Variants in GPNMB observed in about 807,000 individuals in gnomAD.
GPNMB encodes the protein transmembrane glycoprotein NMB.
A neutral mutation model predicts 57.3 loss-of-function variants in GPNMB; 71 were observed. That is an observed-to-expected ratio of 1.24 (90% confidence interval 1.02 to 1.51). The LOEUF (loss-of-function observed/expected upper bound fraction) is 1.51. Among genes scored for constraint, GPNMB ranks in the 40% most tolerant of loss-of-function variants. GPNMB has a pLI of 0.00. For synonymous variants in GPNMB, 253 were observed against 263.2 expected, an observed-to-expected ratio of 0.96 and a Z score of 0.38; for missense variants, 677 against 691.9, an observed-to-expected ratio of 0.98 and a Z score of 0.24.
intron 6 of GPNMB, among the ~76,000 whole-genome samples, chr7:23,265,207 G>C (rs977884018): frequency 3.9e-5 from 6 of 152,170 alleles, no homozygotes; most frequent in African/African-American, 9.7e-5. Context: ...TTGGGCACAG[G>C]AAAATCACAG....
At chr7:23,273,718 T>C in intron 10 of GPNMB, 104 bp downstream of exon 10, 1 of 759,116 alleles carries the variant, frequency 1.3e-6, no homozygotes, top group African/African-American at 1.7e-5. Context: ...TTTAAACATT[T>C]TGTGTAGGGG....
intron 6 of GPNMB, among the ~76,000 whole-genome samples, chr7:23,264,699 T>G (rs1312710091): frequency 6.6e-6 from 1 of 152,178 alleles, no homozygotes; most frequent in Non-Finnish European, 1.5e-5. Context: ...TTAAAAGCAT[T>G]CTATCTAAGG....
chr7:23,261,171 C>G (rs1170525109), intron 6 of GPNMB, among the ~76,000 whole-genome samples: 1 of 152,118 alleles, frequency 6.6e-6, no homozygotes, highest in Admixed American at 6.5e-5. Flanking sequence ...TCCTCTCCCC[C>G]ACTAATTTCT....
rs1296526436 is a variant in GPNMB, at chr7:23,266,879, G to A, written c.1117+264G>A. ...TGAGCCTGCCCTGGGCCTGTATCCC[G>A]CCTCTGCAGCCCAGCCATCTGAATG... On this transcript the variant is annotated intron_variant, in intron 7 of 10. Transcript: ENST00000258733. 5.9e-5 allele frequency among the ~76,000 whole-genome samples: 9 copies of A among 152,314 alleles called. No individual in the cohort carries two copies. In the South Asian group the frequency reaches 1.5e-3, roughly 25 times the overall value.
intron 8 of GPNMB, among the ~76,000 whole-genome samples, chr7:23,269,217 C>T (rs948239970): frequency 1.3e-5 from 2 of 152,078 alleles, no homozygotes; most frequent in Non-Finnish European, 2.9e-5. Flanking sequence ...GAAACCCCAT[C>T]TCTACTAAAA....
In GPNMB at chr7:23,260,026, G is replaced by A. The variant is rs1164569513; in HGVS notation, c.588G>A (p.Val196=). 1 of 1,614,134 alleles carries A rather than the reference G, an allele frequency of 6.2e-7. No homozygotes were observed. The highest frequency in any genetic ancestry group is 1.7e-5 in the Admixed American group (1 of 60,020). ...KLGRCSVRVS[V]NTANVTLGPQ... is the part of the protein sequence containing the mutation. The stretch of plus-strand genomic sequence containing the variant: ...GACGATGTTCAGTGAGAGTTTCTGT[G>A]AACACAGCCAATGTGACACTTGGGC... Residue 196 remains valine (V), a synonymous_variant, in exon 5 of 11, where the codon GTG becomes GTA. Coordinates refer to ENST00000258733, the MANE Select transcript of GPNMB (RefSeq NM_002510.3).
At chr7:23,253,480 C>A (rs1480165789) in intron 2 of GPNMB, 21 bp downstream of exon 2, 2 of 1,597,940 alleles carry the variant, frequency 1.3e-6, no homozygotes, top group African/African-American at 1.3e-5. Flanking sequence ...AGATTCAAAC[C>A]AAACACCTGC....
At chr7:23,256,265 T>C (rs1424008096) in intron 3 of GPNMB, among the ~76,000 whole-genome samples, 1 of 152,236 alleles carries the variant, frequency 6.6e-6, no homozygotes. Context: ...TATAGTCACC[T>C]AGATTCAACA....
chr7:23,274,257 G>A lies in GPNMB; in HGVS notation c.*33G>A. 6.4e-7 allele frequency: 1 copy of A among 1,552,392 alleles called. No homozygotes were observed. Among genetic ancestry groups the A allele is most frequent in the Non-Finnish European group, 8.9e-7 (1 of 1,125,350 alleles). ...CCTTGTTTCTGAAGCTCACTTTTCA[G>A]TGCCATTGATGTGAGATGTGCTGGA... is the stretch of plus-strand genomic sequence containing the variant. On this transcript the variant is annotated 3_prime_UTR_variant, in exon 11 of 11. Transcript: ENST00000258733.
chr7:23,273,739 T>C (rs1783269344), intron 10 of GPNMB, 125 bp downstream of exon 10: 2 of 664,100 alleles, frequency 3.0e-6, no homozygotes, highest in Admixed American at 5.5e-5. Context: ...AGGAAAATAT[T>C]ACATTGAATG....
chr7:23,256,263 C>G (rs893618752), intron 3 of GPNMB, among the ~76,000 whole-genome samples: 3 of 152,176 alleles, frequency 2.0e-5, no homozygotes, highest in South Asian at 4.1e-4. Flanking sequence ...ACTATAGTCA[C>G]CTAGATTCAA....
intron 1 of GPNMB, among the ~76,000 whole-genome samples, chr7:23,248,740 G>C (rs912470739): frequency 6.6e-6 from 1 of 151,340 alleles, no homozygotes; most frequent in African/African-American, 2.4e-5. Flanking sequence ...ACCCCCACAG[G>C]CTTTTATTTT....
In GPNMB at chr7:23,274,286, G is replaced by A. The variant is rs915411544; in HGVS notation, c.*62G>A. On this transcript the variant is annotated 3_prime_UTR_variant, in exon 11 of 11. Coordinates refer to ENST00000258733, the MANE Select transcript of GPNMB (RefSeq NM_002510.3). ...CATTGATGTGAGATGTGCTGGAGTG[G>A]CTATTAACCTTTTTTTCCTAAAGAT... 2.1e-5 allele frequency: 26 copies of A among 1,237,382 alleles called. No homozygotes were observed. The highest frequency in any genetic ancestry group is 3.8e-4 in the Middle Eastern group (2 of 5,196). 76.7% of individuals were successfully genotyped at this position (1,237,382 alleles called of 1,614,324 possible). A position where few individuals can be genotyped will look rare whatever the true frequency, so the allele number is the denominator to read the frequency against.
At chr7:23,262,233 A>G (rs1024530926) in intron 6 of GPNMB, among the ~76,000 whole-genome samples, 1 of 152,246 alleles carries the variant, frequency 6.6e-6, no homozygotes, top group African/African-American at 2.4e-5. Context: ...AATGTTTTAA[A>G]TTACAAAGTT....
At chr7:23,258,156 C>T (rs1445817008) in intron 4 of GPNMB, 1 of 152,154 alleles carries the variant, frequency 6.6e-6, no homozygotes, top group Non-Finnish European at 1.5e-5. Context: ...AATTAGGCTG[C>T]TAAATTCTTA....
At chr7:23,247,217 G>A (rs1051301525) in intron 1 of GPNMB, 2 of 421,458 alleles carry the variant, frequency 4.7e-6, no homozygotes, top group Admixed American at 3.5e-5. Context: ...ACAGTGGTTG[G>A]GGGAGGGTTG....
rs138617381 is a variant in GPNMB at position 23,264,294 on chromosome 7, T to G, written c.1019-2223T>G. ...TCTCATCTGTCTTTTAAGGTGTGCG[T>G]TTCTCTCCATTAGCCCTTGAATCAT... On this transcript the variant is annotated intron_variant, in intron 6 of 10. Coordinates refer to ENST00000258733, the MANE Select transcript of GPNMB (RefSeq NM_002510.3). Among the ~76,000 whole-genome samples, 1,118 of 152,298 alleles carry G rather than the reference T, an allele frequency of 7.3e-3. 8 individuals are homozygous for G. The highest frequency in any genetic ancestry group is 0.034 in the Middle Eastern group (10 of 294).
At chr7:23,268,291 C>T (rs1049741136) in intron 8 of GPNMB, among the ~76,000 whole-genome samples, 13 of 152,186 alleles carry the variant, frequency 8.5e-5, no homozygotes, top group African/African-American at 3.1e-4. Flanking sequence ...ATTGAATCCT[C>T]ACAACAATCG....
intron 3 of GPNMB, among the ~76,000 whole-genome samples, chr7:23,256,149 G>A (rs376838422): frequency 3.3e-5 from 5 of 151,948 alleles, no homozygotes; most frequent in East Asian, 3.9e-4. Flanking sequence ...CAAGCGATCC[G>A]CCCATCTCGG....
Sources: gnomAD v4.1 joint callset for allele counts (sites outside exome capture counted in the v4.1 genomes callset) on GRCh38, gnomAD v4.1.1 for gene constraint, MANE v1.5 for transcripts, NCBI Gene and HGNC (gene_info 2026-07-23, HGNC 2026-07-21) for gene names.